RP1L1: variants seen among roughly 807,000 people sequenced by gnomAD.
RP1L1 encodes RP1 like 1, also known as retinitis pigmentosa 1-like 1 protein.
Under a neutral mutation model 15.7 loss-of-function variants are expected in RP1L1, and 27 were observed. The observed-to-expected ratio is 1.72, with a 90% CI of 1.27 to 2.38. The LOEUF (loss-of-function observed/expected upper bound fraction) is 2.38, where lower values mean the gene tolerates loss of function less well. RP1L1 is among the 30% of genes most tolerant of loss of function. The pLI, the probability that RP1L1 is intolerant of heterozygous loss-of-function variation, is 0.00. For missense variants in RP1L1, 4,798 were observed against 3,075.9 expected (o/e 1.56, Z -13.24); for synonymous variants, 1,813 against 1,276.7 (o/e 1.42, Z -8.96).
At chr8:10,626,276 C>A (rs1368185279) in intron 1 of RP1L1, among the ~76,000 whole-genome samples, 1 of 152,036 alleles carries the variant, frequency 6.6e-6, no homozygotes, top group African/African-American at 2.4e-5. Context: ...GGAGAGAATG[C>A]AAGTGGCAGG....
chr8:10,627,648 TA>T (rs58493809), intron 1 of RP1L1, among the ~76,000 whole-genome samples: 133,899 of 149,752 alleles, frequency 0.89, 60,167 homozygotes, highest in Non-Finnish European at 0.93. Flanking sequence ...ATACGAGATA[TA>T]AAAAAAAAAG....
At chr8:10,619,390 C>A (rs923191920) in intron 2 of RP1L1, among the ~76,000 whole-genome samples, 2 of 152,192 alleles carry the variant, frequency 1.3e-5, no homozygotes, top group Non-Finnish European at 2.9e-5. Flanking sequence ...TCAAAAGATG[C>A]CCTCGTTGTT....
At chr8:10,646,496 AG>A (rs538110374) in intron 1 of RP1L1, among the ~76,000 whole-genome samples, 108 of 152,276 alleles carry the variant, frequency 7.1e-4, no homozygotes, top group African/African-American at 2.6e-3. Context: ...ATGGAGCCAG[AG>A]AAAAGGTGAC....
chr8:10,607,326 C>G lies in RP1L1; in HGVS notation c.6772G>C (p.Gly2258Arg), dbSNP rs1192240647. The G allele has an allele frequency of 6.2e-7, 1 of 1,614,104 alleles. No individual in the cohort carries two copies. Reference sequence around the variant, plus strand: ...GAAGCCTCCTCAGATTGGCCATCTCCTAGACTGACCTGAGGGCTCCCCTTT... The same window carrying G: ...GAAGCCTCCTCAGATTGGCCATCTCGTAGACTGACCTGAGGGCTCCCCTTT... ...EKKGSPQVSL[G>R]DGQSEEASES... The change falls in exon 4 of 4, where the codon GGA (glycine) becomes CGA (arginine). Residue 2258 changes from glycine to arginine, a missense_variant. By Grantham distance (125) the Gly-to-Arg change is moderately radical (BLOSUM62 -2). Coordinates refer to ENST00000382483, the MANE Select transcript of RP1L1 (RefSeq NM_178857.6).
rs775506511 is a variant in RP1L1 at position 10,607,119 on chromosome 8, C to G, written c.6979G>C (p.Asp2327His). Residue 2327 changes from aspartate to histidine, a missense_variant, in exon 4 of 4, where the codon GAT (aspartate) becomes CAT (histidine). Coordinates refer to ENST00000382483, the MANE Select transcript of RP1L1 (RefSeq NM_178857.6). ...DHVLGDTRSPDAKSTGTPHAE... is the reference protein window; with the variant it reads ...DHVLGDTRSPHAKSTGTPHAE... ...TGAGGGGTCCCCGTGGACTTGGCAT[C>G]AGGGCTCCTTGTGTCTCCAAGTACA... is the stretch of plus-strand genomic sequence containing the variant. 6.8e-6 allele frequency: 11 copies of G among 1,614,262 alleles called. No individual in the cohort carries two copies. In the East Asian group the frequency reaches 2.5e-4, roughly 36 times the overall value.
intron 1 of RP1L1, among the ~76,000 whole-genome samples, chr8:10,652,288 G>A (rs1422679406): frequency 1.3e-5 from 2 of 152,162 alleles, no homozygotes; most frequent in East Asian, 1.9e-4. Context: ...TATGATACAC[G>A]TCACAGAGTG....
chr8:10,641,818 T>C (rs2117257946), intron 1 of RP1L1, among the ~76,000 whole-genome samples: 1 of 152,372 alleles, frequency 6.6e-6, no homozygotes, highest in South Asian at 2.1e-4. Context: ...ATGCTACCAT[T>C]CAGCATTGAA....
intron 1 of RP1L1, among the ~76,000 whole-genome samples, chr8:10,646,665 G>A (rs1798483172): frequency 6.6e-6 from 1 of 152,054 alleles, no homozygotes; most frequent in Non-Finnish European, 1.5e-5. Context: ...CCAGGGCCTA[G>A]GAAGGGCCTC....
chr8:10,648,453 C>T (rs771084194), intron 1 of RP1L1, among the ~76,000 whole-genome samples: 69 of 152,108 alleles, frequency 4.5e-4, no homozygotes, highest in Non-Finnish European at 7.9e-4. Context: ...TATAAAGTGT[C>T]CTAGGCAAGT....
chr8:10,622,571 C>T (rs755861527), intron 2 of RP1L1, 22 bp downstream of exon 2: 1 of 1,614,062 alleles, frequency 6.2e-7, no homozygotes, highest in African/African-American at 1.3e-5. Context: ...TTTCAAGGAA[C>T]CGTCAGACCC....
At chr8:10,652,600 G>C (rs992148074) in intron 1 of RP1L1, among the ~76,000 whole-genome samples, 1 of 151,998 alleles carries the variant, frequency 6.6e-6, no homozygotes, top group Non-Finnish European at 1.5e-5. Context: ...CTCTTTGAAC[G>C]AAAGTCTTGT....
chr8:10,611,763 G>C lies in RP1L1; in HGVS notation c.2335C>G (p.His779Asp). ...RTCSPAPIPP[H>D]TSDSCSKSGA... ...GATTTTGAGCAGGAGTCGGATGTGT[G>C]GGGAGGTATGGGGGCCGGCGAGCAT... Residue 779 changes from histidine (H) to aspartate (D), a missense_variant, in exon 4 of 4, where the codon CAC becomes GAC. Transcript: ENST00000382483. 1 of 1,613,640 alleles carries C rather than the reference G, an allele frequency of 6.2e-7. No homozygotes were observed. Among genetic ancestry groups the C allele is most frequent in the Non-Finnish European group, 8.5e-7 (1 of 1,179,992 alleles).
intron 1 of RP1L1, among the ~76,000 whole-genome samples, chr8:10,639,014 G>A (rs1230017821): frequency 6.6e-6 from 1 of 152,036 alleles, no homozygotes; most frequent in Non-Finnish European, 1.5e-5. Flanking sequence ...GCGTGGTGGT[G>A]CATGCCTGTA....
At chr8:10,652,580 G>A (rs1347257502) in intron 1 of RP1L1, among the ~76,000 whole-genome samples, 1 of 152,088 alleles carries the variant, frequency 6.6e-6, no homozygotes, top group Non-Finnish European at 1.5e-5. Flanking sequence ...GCTAGTGAGT[G>A]GTGAAATCAC....
chr8:10,631,397 GCACACACA>G (rs1482522901), intron 1 of RP1L1, among the ~76,000 whole-genome samples: 5 of 122,866 alleles, frequency 4.1e-5, no homozygotes, highest in East Asian at 2.2e-4. Flanking sequence ...GCACACACAC[GCACACACA>G]CGCACACACG....
At chr8:10,615,162 G>C (rs115544067) in intron 3 of RP1L1, among the ~76,000 whole-genome samples, 68 of 152,258 alleles carry the variant, frequency 4.5e-4, no homozygotes, top group African/African-American at 1.5e-3. Context: ...AGTGATCACC[G>C]AGCCTGTCCC....
chr8:10,612,864 G>A lies in RP1L1; in HGVS notation c.1234C>T (p.Leu412=). Residue 412 remains leucine, a synonymous_variant, in exon 4 of 4, where the codon CTG becomes TTG. Coordinates refer to ENST00000382483, the MANE Select transcript of RP1L1 (RefSeq NM_178857.6). ...ACTCTCTCTCCCTGGGAGGCATGCA[G>A]GGGATTCGTCCAGATTTCATACTTG... The part of the protein sequence containing the change: ...GPKYEIWTNP[L]HASQGERVAA... 1 of 1,612,838 alleles carries A rather than the reference G, an allele frequency of 6.2e-7. No homozygotes were observed. Among genetic ancestry groups the A allele is most frequent in the Non-Finnish European group, 8.5e-7 (1 of 1,179,894 alleles).
chr8:10,625,500 C>T (rs1585983618), intron 1 of RP1L1, among the ~76,000 whole-genome samples: 1 of 149,972 alleles, frequency 6.7e-6, no homozygotes, highest in Non-Finnish European at 1.5e-5. Flanking sequence ...AAGTGGGGAG[C>T]CCATGGGGTG....
chr8:10,648,965 C>CA (rs1199828088), intron 1 of RP1L1, among the ~76,000 whole-genome samples: 1 of 152,218 alleles, frequency 6.6e-6, no homozygotes, highest in African/African-American at 2.4e-5. Flanking sequence ...ATCCACTGCC[C>CA]AGGCAGGAGG....
Sources: gnomAD v4.1 joint callset for allele counts (sites outside exome capture counted in the v4.1 genomes callset) on GRCh38, gnomAD v4.1.1 for gene constraint, MANE v1.5 for transcripts, NCBI Gene and HGNC (gene_info 2026-07-23, HGNC 2026-07-21) for gene names.